The following CYP27C1 variants were observed in gnomAD, a reference collection of about 807,000 sequenced individuals.
CYP27C1 encodes the protein cytochrome P450 family 27 subfamily C member 1.
Under a neutral mutation model 40.6 loss-of-function variants are expected in CYP27C1, and 29 were observed. The ratio of observed to expected loss-of-function variants is 0.71; its 90% CI spans 0.53 to 0.97. The LOEUF (loss-of-function observed/expected upper bound fraction) is 0.97, where lower values mean the gene tolerates loss of function less well. CYP27C1 is among the 50% of genes least tolerant of loss of function. The probability of loss-of-function intolerance (pLI) is 0.00; values close to 1 mark genes in which losing one functional copy is unlikely to be tolerated. For synonymous variants in CYP27C1, 198 were observed against 186.8 expected (o/e 1.06, Z -0.49); for missense variants, 390 against 485.8 (o/e 0.80, Z 1.85).
chr2:127,199,852 C>A (rs59038595), intron 4 of CYP27C1, among the ~76,000 whole-genome samples: 60,772 of 152,106 alleles, frequency 0.4, 12,718 homozygotes, highest in East Asian at 0.57. Context: ...AAAATGCAAA[C>A]TCTTTTATTT....
At chr2:127,204,488 G>GAAA (rs1454218386) in intron 2 of CYP27C1, among the ~76,000 whole-genome samples, 1,091 of 46,688 alleles carry the variant, frequency 0.023, 101 homozygotes, top group Middle Eastern at 0.074. Context: ...AAGAAAGAAA[G>GAAA]GAAGGAAGGA....
rs1682894447 is a variant in CYP27C1 at position 127,195,941 on chromosome 2, A to C, written c.1048-440T>G. Among the ~76,000 whole-genome samples the C allele has an allele frequency of 6.6e-6, 1 of 152,124 alleles. No homozygotes were observed. The highest frequency in any genetic ancestry group is 2.1e-4 in the South Asian group (1 of 4,820). On this transcript the variant is annotated intron_variant, in intron 5 of 8. Transcript: ENST00000664447. The surrounding 1 kb of genome is among the most constrained non-coding windows in gnomAD (Gnocchi z 6.2). ...ATCCCCAGGATGCTGGGCCCGGCCCACTCTGGCTGCCCTAATCTAGAGATT... is the reference window on the plus strand; with the variant it reads ...ATCCCCAGGATGCTGGGCCCGGCCCCCTCTGGCTGCCCTAATCTAGAGATT...
At chr2:127,191,973 C>A (rs1682785713) in intron 8 of CYP27C1, among the ~76,000 whole-genome samples, 1 of 152,202 alleles carries the variant, frequency 6.6e-6, no homozygotes, top group African/African-American at 2.4e-5. Flanking sequence ...CCTCCCTGGG[C>A]AGTAGACCCT....
Position 127,218,418 on chromosome 2 carries a change from A to G in CYP27C1, c.282+1571T>C, listed in dbSNP as rs1040759560. On this transcript the variant is annotated intron_variant, in intron 1 of 8. Transcript: ENST00000664447. This position sits in a 1 kb window ranked among gnomAD's most constrained non-coding sequence, Gnocchi z 6.0. ...AAAGTTGCCATCCTGATATCTTATC[A>G]GATCCTACAAAGAAAATCATTTTTG... Among the ~76,000 whole-genome samples the G allele has an allele frequency of 3.3e-5, 5 of 152,186 alleles. No homozygotes were observed. Among genetic ancestry groups the G allele is most frequent in the African/African-American group, 4.8e-5 (2 of 41,450 alleles).
chr2:127,195,484 A>G lies in CYP27C1; in HGVS notation c.1065T>C (p.Ser355=), dbSNP rs2104679554. 2 of 1,614,042 alleles carry G rather than the reference A, an allele frequency of 1.2e-6. No individual in the cohort carries two copies. The highest frequency in any genetic ancestry group is 1.7e-6 in the Non-Finnish European group (2 of 1,179,980). Residue 355 remains serine, a synonymous_variant, in exon 6 of 9, where the codon TCT becomes TCC. Coordinates refer to ENST00000664447, the MANE Select transcript of CYP27C1 (RefSeq NM_001367502.1). This position sits in a 1 kb window ranked among gnomAD's most constrained non-coding sequence, Gnocchi z 6.2. ...AGVDTTSFTL[S]WTVYLLARHP... is the part of the protein sequence containing the mutation. ...GCCTTGCCAGGAGGTACACAGTCCAAGACAAGGTGAAGGACGTCTAAGGAG... is the reference window on the plus strand; with the variant it reads ...GCCTTGCCAGGAGGTACACAGTCCAGGACAAGGTGAAGGACGTCTAAGGAG...
Position 127,185,752 on chromosome 2 carries a change from TATA to T in CYP27C1, c.*1516_*1518del, listed in dbSNP as rs1183414505. The T allele has an allele frequency of 6.6e-6, 1 of 152,234 alleles. No homozygotes were observed. Among genetic ancestry groups the T allele is most frequent in the Non-Finnish European group, 1.5e-5 (1 of 68,040 alleles). The allele number at this position is 152,234 out of a possible 1,614,324, so 9.4% of individuals were successfully genotyped here. On this transcript the variant is annotated 3_prime_UTR_variant, in exon 9 of 9. Transcript: ENST00000664447. This position sits in a 1 kb window ranked among gnomAD's most constrained non-coding sequence, Gnocchi z 4.9. ...TAAATGGAAAAAAAACTGTATGGTCTATATTAGTAAGAAAGTAATTTTTGGAGA... is the reference window on the plus strand; with the variant it reads ...TAAATGGAAAAAAAACTGTATGGTCTTTAGTAAGAAAGTAATTTTTGGAGA...
At chr2:127,193,736 C>A in intron 7 of CYP27C1, 53 bp downstream of exon 7, 1 of 1,593,450 alleles carries the variant, frequency 6.3e-7, no homozygotes, top group Non-Finnish European at 8.6e-7. Flanking sequence ...GAAGCAGATT[C>A]CAATTCAACC....
At chr2:127,205,820 A>C (rs1476710497) in intron 2 of CYP27C1, 80 bp downstream of exon 2, 1 of 944,640 alleles carries the variant, frequency 1.1e-6, no homozygotes, top group Admixed American at 6.6e-5. Context: ...GCTGGCTTTT[A>C]GGAACTCAGC....
intron 1 of CYP27C1, among the ~76,000 whole-genome samples, chr2:127,216,531 T>C (rs1683433449): frequency 6.6e-6 from 1 of 152,158 alleles, no homozygotes; most frequent in Non-Finnish European, 1.5e-5. Context: ...GCTTGGTGGT[T>C]GCTTAAAGCA....
In CYP27C1 at chr2:127,204,497, G is replaced by GA. The variant is rs1446649586; in HGVS notation, c.474-927dup. Among the ~76,000 whole-genome samples, 44 of 58,496 alleles carry GA rather than the reference G, an allele frequency of 7.5e-4. 5 individuals are homozygous for GA. Among genetic ancestry groups the GA allele is most frequent in the African/African-American group, 2.2e-3 (40 of 17,914 alleles). 38.4% of individuals were successfully genotyped at this position (58,496 alleles called of 152,430 possible). A position where few individuals can be genotyped will look rare whatever the true frequency, so the allele number is the denominator to read the frequency against. ...GAAAGAAAGAAAGAAAGGAAGGAAG[G>GA]AAGGAAGGAAAGAAAGAAGGAAAGA... On this transcript the variant is annotated intron_variant, in intron 2 of 8. Transcript: ENST00000664447.
At position 127,219,491 on chromosome 2, in the gene CYP27C1, C is replaced by T. The variant is rs565026564; in HGVS notation, c.282+498G>A. Among the ~76,000 whole-genome samples, 1 of 152,002 alleles carries T rather than the reference C, an allele frequency of 6.6e-6. No homozygotes were observed. ...AGTCCCTGGAGACCCTGCCCGCCGCCTCTCTCGGGCTACCACTCTCCGAAA... is the reference window on the plus strand; with the variant it reads ...AGTCCCTGGAGACCCTGCCCGCCGCTTCTCTCGGGCTACCACTCTCCGAAA... On this transcript the variant is annotated intron_variant, in intron 1 of 8. Coordinates refer to ENST00000664447, the MANE Select transcript of CYP27C1 (RefSeq NM_001367502.1). This position sits in a 1 kb window ranked among gnomAD's most constrained non-coding sequence, Gnocchi z 8.7.
chr2:127,204,615 AAGAAAGAAAG>A (rs1558931581), intron 2 of CYP27C1, among the ~76,000 whole-genome samples: 1 of 103,622 alleles, frequency 9.7e-6, no homozygotes, highest in Non-Finnish European at 2.0e-5. Context: ...GAAAGAAAGA[AAGAAAGAAAG>A]AAGACTGCAG....
At position 127,195,448 on chromosome 2, in the gene CYP27C1, C is replaced by T. The variant is rs752863092; in HGVS notation, c.1101G>A (p.Val367=). ...TVYLLARHPE[V]QQTVYREIVK... ...CAATCTCCCGGTACACCGTCTGCTG[C>T]ACTTCTGGGTGCCTTGCCAGGAGGT... The change falls in exon 6 of 9, where the codon GTG becomes GTA. Residue 367 remains valine, a synonymous_variant. Coordinates refer to ENST00000664447, the MANE Select transcript of CYP27C1 (RefSeq NM_001367502.1). This position sits in a 1 kb window ranked among gnomAD's most constrained non-coding sequence, Gnocchi z 6.2. The T allele has an allele frequency of 1.8e-5, 29 of 1,613,966 alleles. 1 individual carries two copies. In the South Asian group the frequency reaches 2.5e-4, roughly 14 times the overall value.
intron 1 of CYP27C1, among the ~76,000 whole-genome samples, chr2:127,217,329 C>CA (rs1017308927): frequency 6.6e-6 from 1 of 152,094 alleles, no homozygotes; most frequent in African/African-American, 2.4e-5. Flanking sequence ...TTTCCTCACC[C>CA]AAAAAATGGA....
intron 2 of CYP27C1, among the ~76,000 whole-genome samples, chr2:127,204,468 GAAAGAAAGAAAGAAAGA>G (rs1683136718): frequency 5.1e-5 from 3 of 58,684 alleles, no homozygotes; most frequent in African/African-American, 1.9e-4. Context: ...AAGAAAGAAA[GAAAGAAAGAAAGAAAGA>G]AAGGAAGGAA....
chr2:127,200,990 G>T lies in CYP27C1; in HGVS notation c.883+132C>A. ...AAAAAAAAAAAATCCAAAAGTTATGGGTCCAAAAACTAACACGTGACTACA... is the reference window on the plus strand; with the variant it reads ...AAAAAAAAAAAATCCAAAAGTTATGTGTCCAAAAACTAACACGTGACTACA... On this transcript the variant is annotated intron_variant, in intron 4 of 8. Transcript: ENST00000664447. This position sits in a 1 kb window ranked among gnomAD's most constrained non-coding sequence, Gnocchi z 4.2. 2.2e-6 allele frequency: 2 copies of T among 929,014 alleles called. No homozygotes were observed. The highest frequency in any genetic ancestry group is 3.3e-6 in the Non-Finnish European group (2 of 609,984). The allele number at this position is 929,014 out of a possible 1,614,324, so 57.5% of individuals were successfully genotyped here. A position where few individuals can be genotyped will look rare whatever the true frequency, so the allele number is the denominator to read the frequency against.
At chr2:127,206,493 A>C (rs1683232593) in intron 1 of CYP27C1, among the ~76,000 whole-genome samples, 1 of 152,020 alleles carries the variant, frequency 6.6e-6, no homozygotes, top group Admixed American at 6.6e-5. Flanking sequence ...TTTTTTGTAG[A>C]AACAGGGGTC....
intron 5 of CYP27C1, among the ~76,000 whole-genome samples, chr2:127,199,109 A>G (rs552269137): frequency 6.6e-6 from 1 of 152,296 alleles, no homozygotes; most frequent in South Asian, 2.1e-4. Context: ...ACATGGTGAA[A>G]CCCCCGTTGC....
In CYP27C1 at chr2:127,195,447, G is replaced by C; in HGVS notation, c.1102C>G (p.Gln368Glu). The C allele has an allele frequency of 5.0e-6, 8 of 1,614,078 alleles. No homozygotes were observed. Among genetic ancestry groups the C allele is most frequent in the Non-Finnish European group, 5.9e-6 (7 of 1,180,008 alleles). ...ACAATCTCCCGGTACACCGTCTGCT[G>C]CACTTCTGGGTGCCTTGCCAGGAGG... ...VYLLARHPEV[Q>E]QTVYREIVKN... The change falls in exon 6 of 9, where the codon CAG becomes GAG. Residue 368 changes from glutamine (Q) to glutamate (E), a missense_variant. Gln to Glu is a conservative substitution (Grantham distance 29). Transcript: ENST00000664447. This position sits in a 1 kb window ranked among gnomAD's most constrained non-coding sequence, Gnocchi z 6.2.
Sources: allele counts gnomAD v4.1 joint callset (sites outside exome capture counted in the v4.1 genomes callset), GRCh38; gene constraint gnomAD v4.1.1; non-coding constraint Gnocchi (gnomAD v3.1); transcripts MANE v1.5; gene names NCBI Gene and HGNC (gene_info 2026-07-23, HGNC 2026-07-21).